PLXNA2: variants seen among roughly 807,000 people sequenced by gnomAD.
The protein encoded by PLXNA2 is plexin-A2.
Under a neutral mutation model 193.5 loss-of-function variants are expected in PLXNA2, and 91 were observed. That is an observed-to-expected ratio of 0.47 (90% CI 0.40 to 0.56). The LOEUF (loss-of-function observed/expected upper bound fraction) is 0.56, where lower values mean the gene tolerates loss of function less well. PLXNA2 is among the 20% of genes least tolerant of loss of function. The pLI is 0.00. For missense variants in PLXNA2, 1,995 were observed against 2,503.2 expected (o/e 0.80, Z 4.33); for synonymous variants, 997 against 1,027.3 (o/e 0.97, Z 0.56).
At chr1:208,067,464 C>T (rs2102361339) in intron 12 of PLXNA2, among the ~76,000 whole-genome samples, 1 of 152,144 alleles carries the variant, frequency 6.6e-6, no homozygotes, top group Non-Finnish European at 1.5e-5. Flanking sequence ...TGGTAGTGTA[C>T]AGTAACGTCC....
In PLXNA2 at chr1:208,210,288, G is replaced by C. The variant is rs769062197; in HGVS notation, c.1363C>G (p.Leu455Val). 6.2e-7 allele frequency: 1 copy of C among 1,613,794 alleles called. No individual in the cohort carries two copies. Among genetic ancestry groups the C allele is most frequent in the South Asian group, 1.1e-5 (1 of 91,064 alleles). Residue 455 changes from leucine to valine, a missense_variant, in exon 3 of 32, where the codon CTG becomes GTG. This residue lies in a region of PLXNA2 where 702 missense variants were observed against 812.9 expected (regional missense o/e 0.86). Coordinates refer to ENST00000367033, the MANE Select transcript of PLXNA2 (RefSeq NM_025179.4). Reference protein sequence around the residue: ...VVFVGTKSGKLKKIRADGPPH... With the variant: ...VVFVGTKSGKVKKIRADGPPH... Reference sequence around the variant, plus strand: ...AACTCATAGACTCTTACCTTTTTCAGCTTGCCACTCTTAGTCCCCACAAAA... The same window carrying C: ...AACTCATAGACTCTTACCTTTTTCACCTTGCCACTCTTAGTCCCCACAAAA...
At chr1:208,168,001 C>T (rs1427427628) in intron 3 of PLXNA2, among the ~76,000 whole-genome samples, 1 of 152,186 alleles carries the variant, frequency 6.6e-6, no homozygotes, top group Non-Finnish European at 1.5e-5. Context: ...TATGCAGCAG[C>T]TTGATGGAAC....
chr1:208,207,553 G>C (rs1276891350), intron 3 of PLXNA2, among the ~76,000 whole-genome samples: 1 of 152,212 alleles, frequency 6.6e-6, no homozygotes, highest in Admixed American at 6.5e-5. Context: ...ATGAGGGCTG[G>C]ACAGCCTGAC....
At chr1:208,154,188 G>A (rs1668862414) in intron 3 of PLXNA2, among the ~76,000 whole-genome samples, 2 of 152,098 alleles carry the variant, frequency 1.3e-5, no homozygotes, top group Admixed American at 1.3e-4. Flanking sequence ...TTGTGCTAAC[G>A]CCCCACAGCT....
At chr1:208,152,467 A>G (rs1304392044) in intron 3 of PLXNA2, among the ~76,000 whole-genome samples, 1 of 152,132 alleles carries the variant, frequency 6.6e-6, no homozygotes, top group African/African-American at 2.4e-5. Flanking sequence ...GTTCTAATCT[A>G]TTCTACCAAA....
intron 3 of PLXNA2, among the ~76,000 whole-genome samples, chr1:208,209,200 G>A (rs1367781608): frequency 6.6e-6 from 1 of 152,110 alleles, no homozygotes; most frequent in African/African-American, 2.4e-5. Context: ...GTTTAGCACT[G>A]CTAGGTGAAC....
At chr1:208,237,863 A>G (rs560481233) in intron 1 of PLXNA2, among the ~76,000 whole-genome samples, 1 of 152,298 alleles carries the variant, frequency 6.6e-6, no homozygotes, top group South Asian at 2.1e-4. Context: ...AATGCCCTGA[A>G]GGTAAGATCT....
At chr1:208,080,534 G>A (rs1274839460) in intron 11 of PLXNA2, among the ~76,000 whole-genome samples, 2 of 152,166 alleles carry the variant, frequency 1.3e-5, no homozygotes, top group Non-Finnish European at 2.9e-5. Flanking sequence ...GTATGCCGTT[G>A]CTGAAAGTGA....
intron 3 of PLXNA2, among the ~76,000 whole-genome samples, chr1:208,195,645 G>GT (rs758127500): frequency 7.6e-4 from 63 of 83,144 alleles, no homozygotes; most frequent in East Asian, 1.1e-3. Context: ...GTCATAAAAT[G>GT]TTTTTTGGGG....
At chr1:208,218,992 G>T (rs1217854063) in intron 1 of PLXNA2, among the ~76,000 whole-genome samples, 1 of 152,206 alleles carries the variant, frequency 6.6e-6, no homozygotes, top group African/African-American at 2.4e-5. Context: ...GCAGCAAAGG[G>T]TGGTGAGGTG....
At chr1:208,110,753 C>T (rs1047144312) in intron 4 of PLXNA2, among the ~76,000 whole-genome samples, 3 of 152,156 alleles carry the variant, frequency 2.0e-5, no homozygotes, top group African/African-American at 7.2e-5. Context: ...ACAGATGCAG[C>T]GGGGTCCAGA....
At position 208,216,778 on chromosome 1, in the gene PLXNA2, T is replaced by G; in HGVS notation, c.1145A>C (p.Glu382Ala). Residue 382 changes from glutamate to alanine, a missense_variant, in exon 2 of 32, where the codon GAG becomes GCG. Physicochemically the swap from Glu to Ala is moderately radical, Grantham distance 107. Coordinates refer to ENST00000367033, the MANE Select transcript of PLXNA2 (RefSeq NM_025179.4). ...QSCYQGEGNL[E>A]LNWLLGKDVQ... The stretch of plus-strand genomic sequence containing the variant: ...GTCCTTCCCCAGCAGCCAGTTGAGC[T>G]CCAGGTTGCCCTCGCCCTGGTAGCA... 2 of 1,613,998 alleles carry G rather than the reference T, an allele frequency of 1.2e-6. No individual in the cohort carries two copies. The highest frequency in any genetic ancestry group is 2.2e-5 in the South Asian group (2 of 91,084).
intron 12 of PLXNA2, among the ~76,000 whole-genome samples, chr1:208,069,969 G>A (rs1665929939): frequency 1.3e-5 from 2 of 152,044 alleles, no homozygotes; most frequent in South Asian, 2.1e-4. Context: ...CCCATTTTTC[G>A]GATGAGAAAT....
At chr1:208,069,786 G>A (rs1007822230) in intron 12 of PLXNA2, among the ~76,000 whole-genome samples, 1 of 152,172 alleles carries the variant, frequency 6.6e-6, no homozygotes, top group Non-Finnish European at 1.5e-5. Context: ...TAGAGATAGC[G>A]GGAAAGAAGC....
In PLXNA2 at chr1:208,055,090, G is replaced by C. The variant is rs146976458; in HGVS notation, c.2739-552C>G. Among the ~76,000 whole-genome samples, 1,395 of 152,194 alleles carry C rather than the reference G, an allele frequency of 9.2e-3. 12 individuals carry two copies. Among genetic ancestry groups the C allele is most frequent in the Middle Eastern group, 0.034 (10 of 294 alleles). ...CAGAGAAGGAGCTCCCTGCAGAACG[G>C]GAGGGGTGGAGTCCTGCCGCAGTAG... On this transcript the variant is annotated intron_variant, in intron 13 of 31. Transcript: ENST00000367033.
intron 12 of PLXNA2, among the ~76,000 whole-genome samples, chr1:208,074,169 T>C (rs1666067267): frequency 6.6e-6 from 1 of 152,204 alleles, no homozygotes. Context: ...TCCTGCCTAC[T>C]CATGGCCCCT....
In PLXNA2 at chr1:208,084,170, G is replaced by A. The variant is rs540580198; in HGVS notation, c.2298+210C>T. ...AAAGATCTCAGTGTCTGCCATGAGG[G>A]TCCTCACGGAACTGTCTCCTCTGGC... On this transcript the variant is annotated intron_variant, in intron 10 of 31. Coordinates refer to ENST00000367033, the MANE Select transcript of PLXNA2 (RefSeq NM_025179.4). Among the ~76,000 whole-genome samples the A allele has an allele frequency of 8.5e-5, 13 of 152,344 alleles. No homozygotes were observed. In the East Asian group the frequency reaches 2.5e-3, roughly 29 times the overall value.
At chr1:208,145,042 T>C (rs1668564402) in intron 3 of PLXNA2, among the ~76,000 whole-genome samples, 1 of 152,154 alleles carries the variant, frequency 6.6e-6, no homozygotes, top group Admixed American at 6.5e-5. Flanking sequence ...CTCCCTTAGA[T>C]AGACAGACCC....
intron 6 of PLXNA2, among the ~76,000 whole-genome samples, chr1:208,097,933 GGCTCAA>G (rs1666956821): frequency 6.6e-6 from 1 of 151,938 alleles, no homozygotes; most frequent in African/African-American, 2.4e-5. Flanking sequence ...TGAGCTTCTG[GGCTCAA>G]GCAACCCTCT....
Sources: gnomAD v4.1 joint callset for allele counts (sites outside exome capture counted in the v4.1 genomes callset) on GRCh38, gnomAD v4.1.1 for gene constraint, gnomAD v4.1.1 regional missense constraint, MANE v1.5 for transcripts, NCBI Gene and HGNC (gene_info 2026-07-23, HGNC 2026-07-21) for gene names.